Variants in NKAIN1 observed in about 807,000 individuals in gnomAD.
The protein encoded by NKAIN1 is sodium/potassium transporting ATPase interacting 1.
In NKAIN1, 13 loss-of-function variants were observed where a neutral mutation model predicts 31.6. The ratio of observed to expected loss-of-function variants is 0.41; its 90% CI spans 0.27 to 0.65. The LOEUF (loss-of-function observed/expected upper bound fraction) is 0.65. Ranked by LOEUF, NKAIN1 falls within the 30% of genes least tolerant of loss-of-function variation. NKAIN1 has a pLI of 0.30. For synonymous variants in NKAIN1, 104 were observed against 109.0 expected (o/e 0.95, Z 0.28); for missense variants, 193 against 262.2 (o/e 0.74, Z 1.82).
chr1:31,193,524 G>T (rs148219607), intron 1 of NKAIN1, among the ~76,000 whole-genome samples: 1 of 151,756 alleles, frequency 6.6e-6, no homozygotes, highest in South Asian at 2.1e-4. Context: ...GGGAAAACTC[G>T]TCTCTACTAA....
intron 1 of NKAIN1, among the ~76,000 whole-genome samples, chr1:31,208,651 C>T (rs916497739): frequency 2.0e-5 from 3 of 150,926 alleles, no homozygotes; most frequent in Non-Finnish European, 4.4e-5. Context: ...GCCCTGGAAA[C>T]CTCTGATGTA....
intron 1 of NKAIN1, among the ~76,000 whole-genome samples, chr1:31,224,751 C>G (rs1445094426): frequency 6.6e-6 from 1 of 152,252 alleles, no homozygotes; most frequent in Non-Finnish European, 1.5e-5. Flanking sequence ...CTCTTCCCCA[C>G]CCGGTGTCCC....
chr1:31,218,182 C>T (rs1645533069), intron 1 of NKAIN1, among the ~76,000 whole-genome samples: 1 of 151,860 alleles, frequency 6.6e-6, no homozygotes. Flanking sequence ...CCTGCCTCAG[C>T]CTCCCGGGTA....
chr1:31,230,706 T>TA (rs918530823), intron 1 of NKAIN1, among the ~76,000 whole-genome samples: 14 of 151,936 alleles, frequency 9.2e-5, no homozygotes, highest in Non-Finnish European at 1.5e-5. Flanking sequence ...GTGTTCAATT[T>TA]AAAAAATGTT....
chr1:31,204,522 G>T (rs1426487969), intron 1 of NKAIN1, among the ~76,000 whole-genome samples: 2 of 152,192 alleles, frequency 1.3e-5, no homozygotes, highest in Non-Finnish European at 2.9e-5. Flanking sequence ...AAGCTCTGGA[G>T]TGGGCAGCCA....
At chr1:31,207,713 A>C (rs1645435426) in intron 1 of NKAIN1, among the ~76,000 whole-genome samples, 1 of 152,170 alleles carries the variant, frequency 6.6e-6, no homozygotes, top group South Asian at 2.1e-4. Context: ...GACACAGACA[A>C]ACTTCAATTA....
rs1182156338 is a variant in NKAIN1, at chr1:31,179,821, A to T, written c.*1882T>A. 6.6e-6 allele frequency: 1 copy of T among 152,266 alleles called. No homozygotes were observed. Among genetic ancestry groups the T allele is most frequent in the Non-Finnish European group, 1.5e-5 (1 of 68,080 alleles). The allele number at this position is 152,266 out of a possible 1,614,324, so 9.4% of individuals were successfully genotyped here. ...AGCACTCCCCTCCTTGCAAGGTCCC[A>T]GTGAAAAGAGAACCTGGTCCCCTTG... On this transcript the variant is annotated 3_prime_UTR_variant, in exon 7 of 7. Coordinates refer to ENST00000373736, the MANE Select transcript of NKAIN1 (RefSeq NM_024522.3).
intron 1 of NKAIN1, among the ~76,000 whole-genome samples, chr1:31,189,757 G>A (rs940234778): frequency 2.6e-5 from 4 of 152,174 alleles, no homozygotes; most frequent in African/African-American, 4.8e-5. Context: ...AGGGATAGGC[G>A]CTCACCCCAT....
At chr1:31,237,375 G>T (rs1262173821) in intron 1 of NKAIN1, among the ~76,000 whole-genome samples, 1 of 152,176 alleles carries the variant, frequency 6.6e-6, no homozygotes, top group African/African-American at 2.4e-5. Flanking sequence ...GTGCTTCCAA[G>T]AGTACCTGAC....
intron 1 of NKAIN1, among the ~76,000 whole-genome samples, chr1:31,229,878 T>G (rs1448945459): frequency 6.6e-6 from 1 of 152,102 alleles, no homozygotes; most frequent in East Asian, 1.9e-4. Flanking sequence ...TCCAACCTTT[T>G]CCCCATACAG....
At chr1:31,213,156 C>A (rs1467491978) in intron 1 of NKAIN1, among the ~76,000 whole-genome samples, 2 of 150,442 alleles carry the variant, frequency 1.3e-5, no homozygotes, top group African/African-American at 4.9e-5. Flanking sequence ...GAAGTCAACC[C>A]ATACAATATG....
At position 31,188,024 on chromosome 1, in the gene NKAIN1, T is replaced by C. The variant is rs780513663; in HGVS notation, c.192+26A>G. ...GGCAGGGGTGAGGAGAGGAGTTGGC[T>C]TGGGAAGGGGCTAGGTGAGCCGTAC... On this transcript the variant is annotated intron_variant, in intron 2 of 6. Transcript: ENST00000373736. The C allele has an allele frequency of 2.9e-5, 45 of 1,548,328 alleles. 1 individual carries two copies. The Middle Eastern group carries it at 5.1e-4, about 18-fold the overall frequency.
intron 1 of NKAIN1, among the ~76,000 whole-genome samples, chr1:31,236,390 A>G (rs530593618): frequency 1.3e-5 from 2 of 152,366 alleles, no homozygotes; most frequent in East Asian, 1.9e-4. Flanking sequence ...TTTGAGAAAG[A>G]AAAATGACAC....
At chr1:31,217,904 G>T (rs1187222264) in intron 1 of NKAIN1, among the ~76,000 whole-genome samples, 1 of 152,102 alleles carries the variant, frequency 6.6e-6, no homozygotes, top group Non-Finnish European at 1.5e-5. Flanking sequence ...CCAGGATTCT[G>T]TGCCTGGGAG....
At chr1:31,186,808 G>A (rs1258802441) in intron 2 of NKAIN1, among the ~76,000 whole-genome samples, 1 of 152,230 alleles carries the variant, frequency 6.6e-6, no homozygotes, top group Non-Finnish European at 1.5e-5. Flanking sequence ...GGATGGGAGG[G>A]ACTGGGAGCA....
At position 31,239,405 on chromosome 1, in the gene NKAIN1, A is replaced by G; in HGVS notation, c.54+89T>C. 6 of 1,019,104 alleles carry G rather than the reference A, an allele frequency of 5.9e-6. No individual in the cohort carries two copies. In the South Asian group the frequency reaches 1.0e-4, roughly 17 times the overall value. The allele number at this position is 1,019,104 out of a possible 1,614,324, so 63.1% of individuals were successfully genotyped here. A position where few individuals can be genotyped will look rare whatever the true frequency, so the allele number is the denominator to read the frequency against. ...GGGCACACGCACCAGACACACACACAGAGACACACGCAACCCCACCCGCAC... is the reference window on the plus strand; with the variant it reads ...GGGCACACGCACCAGACACACACACGGAGACACACGCAACCCCACCCGCAC... On this transcript the variant is annotated intron_variant, in intron 1 of 6. Coordinates refer to ENST00000373736, the MANE Select transcript of NKAIN1 (RefSeq NM_024522.3). This position sits in a 1 kb window ranked among gnomAD's most constrained non-coding sequence, Gnocchi z 4.8.
intron 1 of NKAIN1, among the ~76,000 whole-genome samples, chr1:31,193,091 C>T (rs1256492312): frequency 2.7e-5 from 4 of 149,028 alleles, no homozygotes; most frequent in South Asian, 2.1e-4. Context: ...TTTTTTGAGA[C>T]GGAGTCTCAC....
chr1:31,185,016 G>A (rs1011584866), intron 3 of NKAIN1: 1 of 512,782 alleles, frequency 2.0e-6, no homozygotes, highest in Non-Finnish European at 3.6e-6. Flanking sequence ...GGGACCCCTG[G>A]CTCATCTTCA....
chr1:31,185,424 G>A (rs977919043), intron 2 of NKAIN1, 97 bp from the exon 3 acceptor site: 2 of 962,044 alleles, frequency 2.1e-6, no homozygotes, highest in Non-Finnish European at 3.2e-6. Context: ...GATCTGGGCA[G>A]GGGAAATTAT....
Sources: allele counts gnomAD v4.1 joint callset (sites outside exome capture counted in the v4.1 genomes callset), GRCh38; gene constraint gnomAD v4.1.1; non-coding constraint Gnocchi (gnomAD v3.1); transcripts MANE v1.5; gene names NCBI Gene and HGNC (gene_info 2026-07-23, HGNC 2026-07-21).